TEK: variants seen among roughly 807,000 people sequenced by gnomAD.
The protein encoded by TEK is angiopoietin-1 receptor.
TEK carries 43 observed loss-of-function variants against 131.8 expected under a neutral mutation model. The observed-to-expected ratio is 0.33, with a 90% confidence interval of 0.26 to 0.42. The LOEUF (loss-of-function observed/expected upper bound fraction) is 0.42, where lower values mean the gene tolerates loss of function less well. Ranked by LOEUF, TEK falls within the 10% of genes least tolerant of loss-of-function variation. TEK has a pLI of 1.00. For missense variants in TEK, 1,162 were observed against 1,384.4 expected, an observed-to-expected ratio of 0.84 and a Z score of 2.55; for synonymous variants, 580 against 491.6, an observed-to-expected ratio of 1.18 and a Z score of -2.38.
intron 2 of TEK, among the ~76,000 whole-genome samples, chr9:27,166,600 A>T (rs2131137326): frequency 6.6e-6 from 1 of 152,288 alleles, no homozygotes; most frequent in South Asian, 2.1e-4. Flanking sequence ...CTATATCCCT[A>T]ATTTTTAGCT....
chr9:27,173,458 C>A, intron 6 of TEK, 96 bp downstream of exon 6: 1 of 1,485,044 alleles, frequency 6.7e-7, no homozygotes, highest in Non-Finnish European at 9.4e-7. Flanking sequence ...TATACCTGGA[C>A]TGCTTAGCTA....
chr9:27,191,199 C>T (rs1441561789), intron 10 of TEK, among the ~76,000 whole-genome samples: 1 of 151,952 alleles, frequency 6.6e-6, no homozygotes, highest in East Asian at 1.9e-4. Context: ...TTTGAACCTG[C>T]AAAGTTTGGG....
At chr9:27,215,560 GTTT>G (rs58505932) in intron 18 of TEK, among the ~76,000 whole-genome samples, 66 of 141,994 alleles carry the variant, frequency 4.6e-4, no homozygotes, top group African/African-American at 1.4e-3. Flanking sequence ...CTGCATTAGG[GTTT>G]TTTTTTTTTT....
chr9:27,182,864 G>A (rs1212079477), intron 7 of TEK, among the ~76,000 whole-genome samples: 2 of 152,150 alleles, frequency 1.3e-5, no homozygotes, highest in Non-Finnish European at 2.9e-5. Flanking sequence ...CTGTTGAGTG[G>A]ATACTGATTT....
chr9:27,215,162 T>C (rs918626267), intron 18 of TEK, among the ~76,000 whole-genome samples: 1 of 152,170 alleles, frequency 6.6e-6, no homozygotes, highest in East Asian at 1.9e-4. Context: ...CTAGCACTGG[T>C]TTGCTTGGCA....
intron 21 of TEK, among the ~76,000 whole-genome samples, chr9:27,221,801 C>T (rs959416048): frequency 9.2e-5 from 14 of 152,160 alleles, no homozygotes; most frequent in South Asian, 6.2e-4. Context: ...AGTGCAAAAC[C>T]GCTGAAAATT....
At chr9:27,218,877 G>T in intron 20 of TEK, 60 bp downstream of exon 20, 3 of 1,480,968 alleles carry the variant, frequency 2.0e-6, no homozygotes, top group South Asian at 1.1e-5. Flanking sequence ...GAAGCCTCTA[G>T]CACTCCCTTG....
At chr9:27,120,152 T>G (rs1470706749) in intron 1 of TEK, among the ~76,000 whole-genome samples, 2 of 152,206 alleles carry the variant, frequency 1.3e-5, no homozygotes, top group African/African-American at 4.8e-5. Flanking sequence ...GTCAGCAGCT[T>G]TTCAGGAGAC....
At chr9:27,212,927 C>A in intron 17 of TEK, 30 bp downstream of exon 17, 2 of 1,609,272 alleles carry the variant, frequency 1.2e-6, no homozygotes, top group Non-Finnish European at 1.7e-6. Flanking sequence ...CTTTGGATAT[C>A]TTTCCTGTGG....
chr9:27,186,219 G>T (rs895115282), intron 9 of TEK, among the ~76,000 whole-genome samples: 3 of 152,176 alleles, frequency 2.0e-5, no homozygotes, highest in Non-Finnish European at 4.4e-5. Context: ...ATTAATCTGA[G>T]TGTTTGTGTG....
At chr9:27,188,871 C>T (rs1824700044) in intron 9 of TEK, among the ~76,000 whole-genome samples, 1 of 152,038 alleles carries the variant, frequency 6.6e-6, no homozygotes, top group African/African-American at 2.4e-5. Context: ...CACGAAAATG[C>T]TGAGTGTCTT....
chr9:27,176,289 G>T (rs1824168971), intron 6 of TEK, among the ~76,000 whole-genome samples: 1 of 152,118 alleles, frequency 6.6e-6, no homozygotes, highest in African/African-American at 2.4e-5. Flanking sequence ...AAATAGTGGG[G>T]ACAATAAAGA....
chr9:27,137,620 A>C (rs67322240), intron 1 of TEK, among the ~76,000 whole-genome samples: 78,191 of 151,656 alleles, frequency 0.52, 21,099 homozygotes, highest in African/African-American at 0.56. Flanking sequence ...TTTTATATAT[A>C]TTTTTAAACT....
intron 21 of TEK, among the ~76,000 whole-genome samples, chr9:27,222,069 C>T (rs191353599): frequency 3.3e-4 from 50 of 152,306 alleles, no homozygotes; most frequent in African/African-American, 1.2e-3. Flanking sequence ...CTAAAAATCA[C>T]AGCACGAATA....
At chr9:27,221,322 G>A (rs1826068485) in intron 21 of TEK, among the ~76,000 whole-genome samples, 1 of 152,198 alleles carries the variant, frequency 6.6e-6, no homozygotes, top group Non-Finnish European at 1.5e-5. Flanking sequence ...GCACCTAGTG[G>A]TAAGGGTGGC....
At chr9:27,159,396 C>CA in intron 2 of TEK, among the ~76,000 whole-genome samples, 1 of 152,156 alleles carries the variant, frequency 6.6e-6, no homozygotes. Flanking sequence ...AGCCTAGTAT[C>CA]AGAGTGAGAG....
intron 21 of TEK, among the ~76,000 whole-genome samples, chr9:27,223,915 A>ATGAT (rs1377252149): frequency 2.0e-5 from 3 of 152,224 alleles, no homozygotes; most frequent in Admixed American, 2.0e-4. Flanking sequence ...TGCAACAAAA[A>ATGAT]TGATAAAGGG....
chr9:27,186,846 A>G (rs920569074), intron 9 of TEK, among the ~76,000 whole-genome samples: 1 of 152,216 alleles, frequency 6.6e-6, no homozygotes, highest in African/African-American at 2.4e-5. Context: ...TTAAAGGCCA[A>G]TAACAACAGT....
intron 15 of TEK, among the ~76,000 whole-genome samples, chr9:27,208,347 G>T (rs1825475821): frequency 1.4e-5 from 2 of 147,104 alleles, no homozygotes; most frequent in African/African-American, 5.0e-5. Flanking sequence ...CCCAATGTGT[G>T]TTTTTTTTTT....
Sources: allele counts gnomAD v4.1 joint callset (sites outside exome capture counted in the v4.1 genomes callset), GRCh38; gene constraint gnomAD v4.1.1; transcripts MANE v1.5; gene names NCBI Gene and HGNC (gene_info 2026-07-23, HGNC 2026-07-21).